Variants in STK32A observed in about 807,000 individuals in gnomAD.
STK32A encodes serine/threonine kinase 32A, also known as serine/threonine-protein kinase 32A.
A neutral mutation model predicts 53.2 loss-of-function variants in STK32A; 41 were observed. The observed-to-expected ratio is 0.77, with a 90% CI of 0.60 to 1.00. The LOEUF is 1.00. Among genes scored for constraint, STK32A ranks in the 50% least tolerant of loss-of-function variants. STK32A has a pLI of 0.00. For synonymous variants in STK32A, 166 were observed against 162.8 expected (o/e 1.02, Z -0.15); for missense variants, 458 against 485.8 (o/e 0.94, Z 0.54).
downstream of STK32A, chr5:147,387,858 C>T (rs1415931028): frequency 6.6e-6 from 1 of 152,096 alleles, no homozygotes; most frequent in African/African-American, 2.4e-5. Context: ...AACAATGAGC[C>T]ACTGACCCTT....
chr5:147,394,087 T>C, the STK32A span: 5 of 1,614,010 alleles, frequency 3.1e-6, no homozygotes, highest in Non-Finnish European at 4.2e-6. Flanking sequence ...CACGATGCGC[T>C]TGCTGGCTGA....
At chr5:147,239,365 T>C (rs969494520) in intron 1 of STK32A, among the ~76,000 whole-genome samples, 174 bp from the exon 2 acceptor site, 1 of 152,210 alleles carries the variant, frequency 6.6e-6, no homozygotes, top group African/African-American at 2.4e-5. Context: ...TGATGAGCCA[T>C]GCAGTGTTTT....
chr5:147,344,532 G>C lies in STK32A; in HGVS notation c.472+1489G>C, dbSNP rs117161032. ...AGGCACCTGTAGTATCAGCTACTTG[G>C]GAGGCTGAGGCAGGAGGATCGCTTG... is the stretch of plus-strand genomic sequence containing the variant. On this transcript the variant is annotated intron_variant, in intron 6 of 12. Coordinates refer to ENST00000397936, the MANE Select transcript of STK32A (RefSeq NM_001112724.2). Among the ~76,000 whole-genome samples the C allele has an allele frequency of 0.013, 2,044 of 152,294 alleles. 136 individuals are homozygous for C. In the East Asian group the frequency reaches 0.2, roughly 15 times the overall value.
chr5:147,310,607 C>G (rs953323312), intron 4 of STK32A, among the ~76,000 whole-genome samples: 1 of 152,176 alleles, frequency 6.6e-6, no homozygotes, highest in Admixed American at 6.5e-5. Context: ...CCAACTTAGA[C>G]TAGTTTCTCT....
At chr5:147,343,275 A>T (rs1200842488) in intron 6 of STK32A, 1 of 711,822 alleles carries the variant, frequency 1.4e-6, no homozygotes, top group South Asian at 1.4e-5. Context: ...ATCATAGTCT[A>T]CTCAATTTTC....
intron 4 of STK32A, among the ~76,000 whole-genome samples, chr5:147,284,436 G>C (rs1752220365): frequency 6.6e-6 from 1 of 151,998 alleles, no homozygotes; most frequent in Non-Finnish European, 1.5e-5. Flanking sequence ...AAGAAATAAA[G>C]GTCATCTAAA....
intron 5 of STK32A, among the ~76,000 whole-genome samples, chr5:147,340,041 C>T (rs1755328366): frequency 6.6e-6 from 1 of 152,134 alleles, no homozygotes; most frequent in Non-Finnish European, 1.5e-5. Context: ...AGGTAGCTTC[C>T]AGACGTTGCC....
At chr5:147,345,015 A>T (rs544464476) in intron 6 of STK32A, among the ~76,000 whole-genome samples, 1 of 152,274 alleles carries the variant, frequency 6.6e-6, no homozygotes, top group Non-Finnish European at 1.5e-5. Flanking sequence ...GATGAGGAAA[A>T]ACATGAAGAA....
intron 4 of STK32A, among the ~76,000 whole-genome samples, chr5:147,318,146 A>T (rs1754103047): frequency 6.6e-6 from 1 of 152,044 alleles, no homozygotes; most frequent in African/African-American, 2.4e-5. Flanking sequence ...TTATGTACCT[A>T]AGCAGCTGTA....
rs148005356 is a variant in STK32A, at chr5:147,363,151, T to A, written c.660+1537T>A. Among the ~76,000 whole-genome samples, 9 of 151,146 alleles carry A rather than the reference T, an allele frequency of 6.0e-5. No homozygotes were observed. The East Asian group carries it at 1.8e-3, about 29-fold the overall frequency. On this transcript the variant is annotated intron_variant, in intron 8 of 12. Coordinates refer to ENST00000397936, the MANE Select transcript of STK32A (RefSeq NM_001112724.2). ...CAAGTTATGTGCTTCCAAAATACAA[T>A]GATACCATAGCTGTGGGATAGAGAA...
intron 6 of STK32A, among the ~76,000 whole-genome samples, chr5:147,347,754 T>G (rs371822554): frequency 1.3e-5 from 2 of 152,176 alleles, no homozygotes; most frequent in African/African-American, 4.8e-5. Flanking sequence ...TTTCCTGTGA[T>G]CCAGCAGTCA....
chr5:147,238,137 GAGT>G (rs777798797), intron 1 of STK32A, among the ~76,000 whole-genome samples: 45 of 152,204 alleles, frequency 3.0e-4, no homozygotes, highest in Non-Finnish European at 5.3e-4. Context: ...CCAGATAGCT[GAGT>G]AGAATTTTAA....
Position 147,324,072 on chromosome 5 carries a change from G to T in STK32A, c.434+1G>T. ...TGCAGAACCAGCGCATCATTCACAG[G>T]TCAGTCAAGTCCAAGGAGATGGCCA... On this transcript the variant is annotated splice_donor_variant, in intron 5 of 12. Transcript: ENST00000397936. LOFTEE classifies it high-confidence loss of function. 1 of 1,598,710 alleles carries T rather than the reference G, an allele frequency of 6.3e-7. No individual in the cohort carries two copies. The highest frequency in any genetic ancestry group is 1.1e-5 in the South Asian group (1 of 88,286).
At chr5:147,291,593 C>G (rs953583393) in intron 4 of STK32A, among the ~76,000 whole-genome samples, 31 of 151,614 alleles carry the variant, frequency 2.0e-4, no homozygotes, top group Non-Finnish European at 5.9e-5. Flanking sequence ...AAAAAAATAT[C>G]TATTCCATTG....
chr5:147,394,079 C>T, the STK32A span: 8 of 1,613,968 alleles, frequency 5.0e-6, no homozygotes, highest in Admixed American at 3.3e-5. Context: ...GGGGGCGCCA[C>T]GATGCGCTTG....
intron 5 of STK32A, among the ~76,000 whole-genome samples, chr5:147,334,582 T>C (rs1170377697): frequency 7.2e-5 from 11 of 152,204 alleles, no homozygotes; most frequent in Admixed American, 5.9e-4. Context: ...ATCTATGAAA[T>C]AGGGATAATA....
chr5:147,401,956 A>G, the STK32A span: 1 of 351,640 alleles, frequency 2.8e-6, no homozygotes, highest in African/African-American at 2.5e-5. Context: ...GCAAATTAAA[A>G]TTTGAGGCAA....
At chr5:147,377,890 GC>G in intron 11 of STK32A, among the ~76,000 whole-genome samples, 1 of 152,122 alleles carries the variant, frequency 6.6e-6, no homozygotes, top group East Asian at 1.9e-4. Flanking sequence ...GCTTACATCA[GC>G]ATTTTTCTCT....
intron 7 of STK32A, among the ~76,000 whole-genome samples, chr5:147,354,366 G>T (rs1581130823): frequency 6.6e-6 from 1 of 152,148 alleles, no homozygotes; most frequent in Admixed American, 6.5e-5. Flanking sequence ...TCCAGGGTTG[G>T]TTTCCATGGT....
Sources: gnomAD v4.1 joint callset for allele counts (sites outside exome capture counted in the v4.1 genomes callset) on GRCh38, gnomAD v4.1.1 for gene constraint, MANE v1.5 for transcripts, NCBI Gene and HGNC (gene_info 2026-07-23, HGNC 2026-07-21) for gene names.